Variants in DLG2 observed in about 807,000 individuals in gnomAD.
The protein encoded by DLG2 is discs large MAGUK scaffold protein 2, also known as disks large homolog 2.
In DLG2, 45 loss-of-function variants were observed where a neutral mutation model predicts 132.5. That is an observed-to-expected ratio of 0.34 (90% CI 0.27 to 0.44). The LOEUF is 0.44. DLG2 is among the 20% of genes least tolerant of loss of function. DLG2 has a pLI of 1.00. For missense variants in DLG2, 1,045 were observed against 1,196.9 expected, an observed-to-expected ratio of 0.87 and a Z score of 1.87; for synonymous variants, 424 against 419.6, an observed-to-expected ratio of 1.01 and a Z score of -0.13.
intron 3 of DLG2, among the ~76,000 whole-genome samples, chr11:85,380,342 T>A (rs2085774709): frequency 6.6e-6 from 1 of 152,196 alleles, no homozygotes; most frequent in Admixed American, 6.5e-5. Flanking sequence ...TCTGGTCAAC[T>A]ATACTGAATA....
chr11:83,731,009 T>C (rs926487173), intron 18 of DLG2, among the ~76,000 whole-genome samples: 2 of 152,216 alleles, frequency 1.3e-5, no homozygotes, highest in South Asian at 4.1e-4. Context: ...ATTTTATAGA[T>C]AGGCTAGTGG....
chr11:83,534,182 C>T (rs2095827862), intron 20 of DLG2, among the ~76,000 whole-genome samples: 2 of 152,194 alleles, frequency 1.3e-5, no homozygotes, highest in Admixed American at 1.3e-4. Flanking sequence ...GTCAGCACTA[C>T]CTCTTGATTT....
At chr11:83,509,537 ACTCCATCT>A (rs2094900767) in intron 21 of DLG2, among the ~76,000 whole-genome samples, 1 of 151,862 alleles carries the variant, frequency 6.6e-6, no homozygotes, top group African/African-American at 2.4e-5. Context: ...TACTCATGGT[ACTCCATCT>A]CTCAGACTTA....
chr11:84,103,322 G>T (rs2092676348), intron 9 of DLG2, among the ~76,000 whole-genome samples: 1 of 152,038 alleles, frequency 6.6e-6, no homozygotes, highest in South Asian at 2.1e-4. Flanking sequence ...CCTGACAATT[G>T]TCCCAGAGCC....
chr11:83,831,728 T>C (rs1030021453), intron 17 of DLG2, among the ~76,000 whole-genome samples: 1 of 152,206 alleles, frequency 6.6e-6, no homozygotes, highest in African/African-American at 2.4e-5. Context: ...CTATGAACCA[T>C]AATATCAGCC....
In DLG2 at chr11:83,524,003, A is replaced by G. The variant is rs377745784; in HGVS notation, c.2193+8705T>C. ...AACTCTCCCTTCTTCCTCTGTGCAAAAGGAGATTTGGAATCTAAAGAAAAG... is the reference window on the plus strand; with the variant it reads ...AACTCTCCCTTCTTCCTCTGTGCAAGAGGAGATTTGGAATCTAAAGAAAAG... On this transcript the variant is annotated intron_variant, in intron 21 of 27. Transcript: ENST00000376104. Among the ~76,000 whole-genome samples the G allele has an allele frequency of 2.6e-5, 4 of 152,294 alleles. No individual in the cohort carries two copies. In the South Asian group the frequency reaches 6.2e-4, roughly 24 times the overall value.
At chr11:83,702,156 CTTTT>C (rs913811781) in intron 18 of DLG2, among the ~76,000 whole-genome samples, 2 of 151,660 alleles carry the variant, frequency 1.3e-5, no homozygotes, top group African/African-American at 4.8e-5. Context: ...TTAACTTTCA[CTTTT>C]TTTTTCCCCT....
intron 11 of DLG2, among the ~76,000 whole-genome samples, chr11:84,022,375 TCAA>T (rs574006622): frequency 1.8e-4 from 28 of 152,176 alleles, no homozygotes; most frequent in African/African-American, 6.0e-4. Flanking sequence ...ACAACCAAGC[TCAA>T]CAACACTTAG....
intron 6 of DLG2, among the ~76,000 whole-genome samples, chr11:84,586,168 G>GTT (rs59325747): frequency 6.7e-6 from 1 of 149,252 alleles, no homozygotes; most frequent in Non-Finnish European, 1.5e-5. Flanking sequence ...AAAAAAAAGG[G>GTT]TTTGTAATTA....
chr11:83,653,879 C>A (rs574773831), intron 18 of DLG2, among the ~76,000 whole-genome samples: 2 of 152,082 alleles, frequency 1.3e-5, no homozygotes, highest in African/African-American at 4.8e-5. Context: ...TGCACCACCA[C>A]ACCTAGCTAA....
At chr11:85,088,681 G>C (rs955994271) in intron 6 of DLG2, among the ~76,000 whole-genome samples, 1 of 152,070 alleles carries the variant, frequency 6.6e-6, no homozygotes, top group Non-Finnish European at 1.5e-5. Flanking sequence ...TATTTCCCCT[G>C]CGTTCCCAGT....
intron 8 of DLG2, among the ~76,000 whole-genome samples, chr11:84,171,263 ATGAATTT>A (rs1246540911): frequency 1.3e-5 from 2 of 152,296 alleles, no homozygotes; most frequent in Admixed American, 6.5e-5. Context: ...TAAAATTTGT[ATGAATTT>A]AAGGGGTACA....
chr11:83,538,048 G>A (rs756858669), intron 20 of DLG2, among the ~76,000 whole-genome samples: 44 of 152,126 alleles, frequency 2.9e-4, no homozygotes, highest in African/African-American at 8.7e-4. Context: ...GAATAGTAGC[G>A]CAGACTTCAA....
chr11:83,723,925 C>T (rs781702032), intron 18 of DLG2, among the ~76,000 whole-genome samples: 44 of 152,050 alleles, frequency 2.9e-4, no homozygotes, highest in Non-Finnish European at 3.5e-4. Flanking sequence ...TTACTACTAC[C>T]ATTATCATTT....
chr11:83,480,760 G>C, intron 22 of DLG2: 2 of 739,224 alleles, frequency 2.7e-6, no homozygotes, highest in Non-Finnish European at 4.4e-6. Context: ...AGTATGTCTT[G>C]ACTGAGTGTT....
intron 4 of DLG2, among the ~76,000 whole-genome samples, chr11:85,175,441 A>C (rs1387519852): frequency 6.6e-6 from 1 of 152,168 alleles, no homozygotes; most frequent in Non-Finnish European, 1.5e-5. Flanking sequence ...ACTCTGTATA[A>C]ACTAGATATT....
chr11:84,251,098 T>C (rs2097366080), intron 8 of DLG2, 140 bp downstream of exon 8: 1 of 523,638 alleles, frequency 1.9e-6, no homozygotes, highest in South Asian at 4.2e-5. Flanking sequence ...TAGAAATTAT[T>C]AAAAGAAAAT....
intron 3 of DLG2, among the ~76,000 whole-genome samples, chr11:85,568,434 T>C (rs2077655251): frequency 1.3e-5 from 2 of 152,196 alleles, no homozygotes; most frequent in African/African-American, 2.4e-5. Context: ...ATGGACCTCA[T>C]AGAATTAATT....
intron 21 of DLG2, among the ~76,000 whole-genome samples, chr11:83,526,224 G>T (rs1286104209): frequency 1.3e-5 from 2 of 152,156 alleles, no homozygotes; most frequent in Admixed American, 6.6e-5. Flanking sequence ...GTCCAAGGAT[G>T]ATAGTCCTCT....
Sources: allele counts gnomAD v4.1 joint callset (sites outside exome capture counted in the v4.1 genomes callset), GRCh38; gene constraint gnomAD v4.1.1; transcripts MANE v1.5; gene names NCBI Gene and HGNC (gene_info 2026-07-23, HGNC 2026-07-21).